GPR158: variants seen among roughly 807,000 people sequenced by gnomAD.
The protein encoded by GPR158 is metabotropic glycine receptor.
In GPR158, 30 loss-of-function variants were observed where a neutral mutation model predicts 78.2. The ratio of observed to expected loss-of-function variants is 0.38; its 90% confidence interval spans 0.29 to 0.52. The LOEUF (loss-of-function observed/expected upper bound fraction) is 0.52, where lower values mean the gene tolerates loss of function less well. Ranked by LOEUF, GPR158 falls within the 20% of genes least tolerant of loss-of-function variation. GPR158 has a pLI of 0.83. For synonymous variants in GPR158, 581 were observed against 591.1 expected (o/e 0.98, Z 0.25); for missense variants, 1,463 against 1,523.5 (o/e 0.96, Z 0.66).
intron 2 of GPR158, among the ~76,000 whole-genome samples, chr10:25,379,404 A>T (rs567982435): frequency 6.6e-6 from 1 of 152,270 alleles, no homozygotes; most frequent in South Asian, 2.1e-4. Context: ...TGTCCCAGTG[A>T]TGGATAGTAG....
At chr10:25,574,821 G>A (rs1837066056) in intron 7 of GPR158, among the ~76,000 whole-genome samples, 1 of 152,154 alleles carries the variant, frequency 6.6e-6, no homozygotes, top group African/African-American at 2.4e-5. Context: ...AGAGGCGGAG[G>A]TCGCAGTAAG....
intron 4 of GPR158, among the ~76,000 whole-genome samples, chr10:25,444,864 T>G (rs1835119872): frequency 1.3e-5 from 2 of 152,154 alleles, no homozygotes; most frequent in Non-Finnish European, 2.9e-5. Flanking sequence ...GATGTATGCT[T>G]CTGATCCATG....
chr10:25,413,536 C>A (rs944578426), intron 4 of GPR158, among the ~76,000 whole-genome samples: 1 of 152,098 alleles, frequency 6.6e-6, no homozygotes, highest in Non-Finnish European at 1.5e-5. Flanking sequence ...AAAACAAAAC[C>A]TAAAGTTTCC....
At position 25,298,010 on chromosome 10, in the gene GPR158, G is replaced by A. The variant is rs558050676; in HGVS notation, c.1008+76853G>A. Among the ~76,000 whole-genome samples, 5 of 152,326 alleles carry A rather than the reference G, an allele frequency of 3.3e-5. No homozygotes were observed. The South Asian group carries it at 8.3e-4, about 25-fold the overall frequency. On this transcript the variant is annotated intron_variant, in intron 2 of 10. Transcript: ENST00000376351. Reference sequence around the variant, plus strand: ...CATCTCTGAACCTCAGGTCCCATCTGTATAAAATGAGTAAATGTGGCATAT... The same window carrying A: ...CATCTCTGAACCTCAGGTCCCATCTATATAAAATGAGTAAATGTGGCATAT...
intron 2 of GPR158, among the ~76,000 whole-genome samples, chr10:25,262,658 C>T (rs1853984202): frequency 6.6e-6 from 1 of 152,116 alleles, no homozygotes; most frequent in Admixed American, 6.5e-5. Context: ...GTGGAACCTC[C>T]CCCACTGTCT....
intron 2 of GPR158, among the ~76,000 whole-genome samples, chr10:25,234,828 T>TA (rs1224912238): frequency 4.6e-5 from 7 of 152,232 alleles, no homozygotes; most frequent in Non-Finnish European, 1.0e-4. Context: ...ATCTGCTAAT[T>TA]AATTTTAATT....
chr10:25,301,411 A>C (rs187245197), intron 2 of GPR158, among the ~76,000 whole-genome samples: 50 of 152,318 alleles, frequency 3.3e-4, no homozygotes, highest in Middle Eastern at 6.8e-3. Flanking sequence ...CCTCAGAGAT[A>C]CTGGCTGAAT....
chr10:25,398,720 C>T (rs1171565492), intron 3 of GPR158, among the ~76,000 whole-genome samples: 1 of 152,158 alleles, frequency 6.6e-6, no homozygotes, highest in Non-Finnish European at 1.5e-5. Context: ...GTCTAACTCC[C>T]ATGTTATACC....
At chr10:25,444,521 ATGTG>A (rs1261814231) in intron 4 of GPR158, among the ~76,000 whole-genome samples, 1 of 147,638 alleles carries the variant, frequency 6.8e-6, no homozygotes, top group African/African-American at 2.5e-5. Flanking sequence ...GCGTGTGGGT[ATGTG>A]TGTGGAAGTG....
At chr10:25,510,669 T>C (rs1252478754) in intron 5 of GPR158, among the ~76,000 whole-genome samples, 4 of 152,216 alleles carry the variant, frequency 2.6e-5, no homozygotes, top group Non-Finnish European at 1.5e-5. Flanking sequence ...CAGTGTACAC[T>C]GTACCCAATG....
intron 2 of GPR158, among the ~76,000 whole-genome samples, chr10:25,287,681 A>G (rs935051471): frequency 1.3e-5 from 2 of 152,106 alleles, no homozygotes; most frequent in Non-Finnish European, 2.9e-5. Flanking sequence ...GCAAATGCAT[A>G]TATCTTGTCT....
intron 2 of GPR158, among the ~76,000 whole-genome samples, chr10:25,348,865 G>C (rs1333637233): frequency 1.3e-5 from 2 of 152,002 alleles, no homozygotes; most frequent in African/African-American, 4.8e-5. Context: ...CTCTAGTCAT[G>C]CAGCTGTTTA....
intron 5 of GPR158, among the ~76,000 whole-genome samples, chr10:25,518,465 C>T (rs1201085478): frequency 2.1e-5 from 2 of 96,294 alleles, no homozygotes; most frequent in Non-Finnish European, 2.1e-5. Context: ...TTGTGTTGTT[C>T]GGGTGTCAAT....
chr10:25,321,525 T>G (rs1854947565), intron 2 of GPR158, among the ~76,000 whole-genome samples: 1 of 152,234 alleles, frequency 6.6e-6, no homozygotes, highest in South Asian at 2.1e-4. Flanking sequence ...ACACAGCTTT[T>G]ACTTAGATGT....
intron 7 of GPR158, among the ~76,000 whole-genome samples, chr10:25,583,781 A>G (rs1037859488): frequency 6.6e-6 from 1 of 152,198 alleles, no homozygotes; most frequent in African/African-American, 2.4e-5. Context: ...ATACTTATTT[A>G]TGCTGTGTAA....
In GPR158 at chr10:25,417,618, G is replaced by A. The variant is rs925447689; in HGVS notation, c.1335+5145G>A. The stretch of plus-strand genomic sequence containing the variant: ...GTATTCACTGAGTGAAACCAAATTC[G>A]AGGTTCTATTACCTATCAAGAACAA... On this transcript the variant is annotated intron_variant, in intron 4 of 10. Coordinates refer to ENST00000376351, the MANE Select transcript of GPR158 (RefSeq NM_020752.3). Among the ~76,000 whole-genome samples the A allele has an allele frequency of 3.3e-5, 5 of 152,076 alleles. No individual in the cohort carries two copies. The East Asian group carries it at 9.6e-4, about 29-fold the overall frequency.
intron 5 of GPR158, among the ~76,000 whole-genome samples, chr10:25,515,065 A>G (rs1836144606): frequency 6.6e-6 from 1 of 152,126 alleles, no homozygotes; most frequent in Non-Finnish European, 1.5e-5. Flanking sequence ...CTAGATCTCT[A>G]ACAAGGCTGG....
intron 4 of GPR158, among the ~76,000 whole-genome samples, chr10:25,435,796 A>G (rs184123806): frequency 6.6e-6 from 1 of 152,310 alleles, no homozygotes; most frequent in East Asian, 1.9e-4. Flanking sequence ...GACAAGTGTA[A>G]AAGTGGGGGA....
chr10:25,504,525 G>C (rs545746653), intron 5 of GPR158, among the ~76,000 whole-genome samples: 1 of 152,098 alleles, frequency 6.6e-6, no homozygotes, highest in Non-Finnish European at 1.5e-5. Flanking sequence ...TCATCTGAAG[G>C]TATGTTAAAC....
Sources: gnomAD v4.1 joint callset for allele counts (sites outside exome capture counted in the v4.1 genomes callset) on GRCh38, gnomAD v4.1.1 for gene constraint, MANE v1.5 for transcripts, NCBI Gene and HGNC (gene_info 2026-07-23, HGNC 2026-07-21) for gene names.